QTGAL: variants seen among roughly 807,000 people sequenced by gnomAD.
The protein encoded by QTGAL is BGnT-like protein 1.
At chr17:83,046,112 C>T in the QTGAL span, among the ~76,000 whole-genome samples, 9 of 152,120 alleles carry the variant, frequency 5.9e-5, no homozygotes, top group East Asian at 1.7e-3. Flanking sequence ...GCATGACCCA[C>T]CAAACCCGGC....
At chr17:82,988,496 A>C in the QTGAL span, among the ~76,000 whole-genome samples, 1 of 152,346 alleles carries the variant, frequency 6.6e-6, no homozygotes, top group East Asian at 1.9e-4. Flanking sequence ...CAAAAGCAAA[A>C]TTGACAAATG....
chr17:82,942,225 T>C, the QTGAL span: 1 of 599,786 alleles, frequency 1.7e-6, no homozygotes, highest in Non-Finnish European at 2.9e-6. Flanking sequence ...GCAGTGAACC[T>C]CCCTTCCCGC....
chr17:83,026,899 CAG>C, the QTGAL span, among the ~76,000 whole-genome samples: 3 of 146,274 alleles, frequency 2.1e-5, no homozygotes, highest in East Asian at 6.3e-4. Context: ...CCACCCTCGA[CAG>C]ACACACAGAG....
chr17:83,015,115 G>C, the QTGAL span, among the ~76,000 whole-genome samples: 4 of 148,398 alleles, frequency 2.7e-5, no homozygotes, highest in African/African-American at 1.0e-4. This position sits in a 1 kb window ranked among gnomAD's most constrained non-coding sequence, Gnocchi z 4.4. Flanking sequence ...CCACTGTGGA[G>C]GGGGACCGTC....
the QTGAL span, among the ~76,000 whole-genome samples, chr17:83,010,043 C>T: frequency 1.0e-4 from 4 of 38,164 alleles, no homozygotes; most frequent in Admixed American, 4.1e-4. Context: ...GGCTGCCCGG[C>T]GGGGGGCTGG....
At chr17:83,010,810 G>A in the QTGAL span, among the ~76,000 whole-genome samples, 4 of 152,184 alleles carry the variant, frequency 2.6e-5, no homozygotes, top group African/African-American at 7.2e-5. Context: ...TGCAGGGCAC[G>A]GCGGCTCCAC....
At chr17:82,966,380 G>C in the QTGAL span, among the ~76,000 whole-genome samples, 3 of 152,110 alleles carry the variant, frequency 2.0e-5, no homozygotes, top group Non-Finnish European at 2.9e-5. Context: ...AATGTATATA[G>C]AAACACAAAG....
At chr17:83,039,153 G>A in the QTGAL span, among the ~76,000 whole-genome samples, 25,315 of 142,472 alleles carry the variant, frequency 0.18, 2,516 homozygotes, top group Non-Finnish European at 0.22. Flanking sequence ...TCACCTCCCT[G>A]GGTGCATTTC....
At chr17:83,005,013 G>A in the QTGAL span, 5 of 932,630 alleles carry the variant, frequency 5.4e-6, no homozygotes, top group South Asian at 3.6e-5. The surrounding 1 kb of genome is among the most constrained non-coding windows in gnomAD (Gnocchi z 5.6). Context: ...GAAGGACCAC[G>A]GCCCACGACG....
the QTGAL span, among the ~76,000 whole-genome samples, chr17:83,026,360 C>A: frequency 2.6e-3 from 391 of 152,374 alleles, no homozygotes; most frequent in Non-Finnish European, 4.3e-3. Flanking sequence ...AAAGCAAAAA[C>A]CTGGTGGCAG....
At chr17:83,020,535 C>A in the QTGAL span, among the ~76,000 whole-genome samples, 1 of 152,260 alleles carries the variant, frequency 6.6e-6, no homozygotes, top group Non-Finnish European at 1.5e-5. Context: ...AGACCGAGGT[C>A]TGGAGCGGAG....
chr17:82,956,717 G>A, the QTGAL span: 1 of 1,588,506 alleles, frequency 6.3e-7, no homozygotes, highest in South Asian at 1.1e-5. The surrounding 1 kb of genome is among the most constrained non-coding windows in gnomAD (Gnocchi z 5.7). Context: ...GATGACGAAG[G>A]GTGGCCGGGC....
the QTGAL span, among the ~76,000 whole-genome samples, chr17:83,001,057 C>T: frequency 3.9e-5 from 6 of 152,074 alleles, no homozygotes; most frequent in East Asian, 9.6e-4. Context: ...ATGTCAAAAC[C>T]GATCAAACTG....
chr17:82,948,351 C>CCACA, the QTGAL span: 1 of 152,322 alleles, frequency 6.6e-6, no homozygotes, highest in East Asian at 1.9e-4. Flanking sequence ...GAGGATGCAG[C>CCACA]CACACCCACG....
the QTGAL span, among the ~76,000 whole-genome samples, chr17:83,039,971 C>T: frequency 6.6e-6 from 1 of 152,168 alleles, no homozygotes; most frequent in African/African-American, 2.4e-5. Flanking sequence ...GGGGACATTC[C>T]AGAGGGACCG....
the QTGAL span, chr17:83,035,181 T>TC: frequency 8.2e-7 from 1 of 1,214,682 alleles, no homozygotes; most frequent in Non-Finnish European, 1.2e-6. Context: ...TATATGATAT[T>TC]CTTTTTTTTT....
chr17:82,959,158 G>A, the QTGAL span, among the ~76,000 whole-genome samples: 1 of 152,020 alleles, frequency 6.6e-6, no homozygotes, highest in East Asian at 1.9e-4. Flanking sequence ...GTGCATGTGT[G>A]GTGAGTGCAT....
At chr17:83,028,976 C>T in the QTGAL span, among the ~76,000 whole-genome samples, 21 of 152,256 alleles carry the variant, frequency 1.4e-4, no homozygotes, top group Admixed American at 7.8e-4. Flanking sequence ...AAGAGAAACA[C>T]GAGGGCACGG....
the QTGAL span, among the ~76,000 whole-genome samples, chr17:83,031,886 G>C: frequency 1.3e-5 from 2 of 152,204 alleles, no homozygotes; most frequent in African/African-American, 4.8e-5. Flanking sequence ...TGGTCAGCTG[G>C]GCAAAACCCC....
Sources: allele counts gnomAD v4.1 joint callset (sites outside exome capture counted in the v4.1 genomes callset), GRCh38; gene constraint gnomAD v4.1.1; non-coding constraint Gnocchi (gnomAD v3.1); transcripts MANE v1.5; gene names NCBI Gene and HGNC (gene_info 2026-07-23, HGNC 2026-07-21).